The following FHIT variants were observed in gnomAD, a reference collection of about 807,000 sequenced individuals.
FHIT encodes bis(5'-adenosyl)-triphosphatase.
In FHIT, 19 loss-of-function variants were observed where a neutral mutation model predicts 17.9. That is an observed-to-expected ratio of 1.06 (90% CI 0.74 to 1.56). The LOEUF (loss-of-function observed/expected upper bound fraction) is 1.56, where lower values mean the gene tolerates loss of function less well. Ranked by LOEUF, FHIT falls within the 40% of genes most tolerant of loss-of-function variation. The probability of loss-of-function intolerance (pLI) is 0.00; values close to 1 mark genes in which losing one functional copy is unlikely to be tolerated. For synonymous variants in FHIT, 81 were observed against 69.7 expected, an observed-to-expected ratio of 1.16 and a Z score of -0.81; for missense variants, 248 against 189.2, an observed-to-expected ratio of 1.31 and a Z score of -1.82.
At chr3:60,746,373 C>T (rs892258724) in intron 4 of FHIT, among the ~76,000 whole-genome samples, 1 of 152,308 alleles carries the variant, frequency 6.6e-6, no homozygotes, top group Non-Finnish European at 1.5e-5. Context: ...TGGATGAACA[C>T]ATTTATTTTG....
chr3:60,649,918 C>A (rs186869597), intron 4 of FHIT, among the ~76,000 whole-genome samples: 1 of 152,300 alleles, frequency 6.6e-6, no homozygotes, highest in Non-Finnish European at 1.5e-5. Context: ...GCTCTCACTG[C>A]ACAAAGCACC....
chr3:59,956,110 G>A (rs1180111688), intron 7 of FHIT, among the ~76,000 whole-genome samples: 4 of 152,032 alleles, frequency 2.6e-5, no homozygotes, highest in African/African-American at 4.8e-5. Flanking sequence ...TTTCATACTC[G>A]GAACAATCAT....
intron 4 of FHIT, among the ~76,000 whole-genome samples, chr3:60,707,017 T>C (rs2041390334): frequency 6.6e-6 from 1 of 152,230 alleles, no homozygotes; most frequent in Non-Finnish European, 1.5e-5. Flanking sequence ...ATAACAACAC[T>C]GCCTTCTGAT....
At chr3:61,147,576 A>G (rs1297800295) in intron 2 of FHIT, among the ~76,000 whole-genome samples, 1 of 152,036 alleles carries the variant, frequency 6.6e-6, no homozygotes, top group African/African-American at 2.4e-5. Context: ...CAAATTTCCC[A>G]GTATTGAGAC....
intron 5 of FHIT, among the ~76,000 whole-genome samples, chr3:60,134,677 A>G (rs1576176189): frequency 6.6e-6 from 1 of 152,174 alleles, no homozygotes; most frequent in East Asian, 1.9e-4. Context: ...TTGCCAGCCA[A>G]TCCTCCAAGA....
chr3:60,065,447 T>C (rs1702460578), intron 5 of FHIT, among the ~76,000 whole-genome samples: 1 of 152,108 alleles, frequency 6.6e-6, no homozygotes, highest in African/African-American at 2.4e-5. Context: ...ATCATGCACA[T>C]TAAGTACCTA....
intron 3 of FHIT, among the ~76,000 whole-genome samples, chr3:60,845,281 CAAT>C (rs1702886150): frequency 6.6e-6 from 1 of 150,422 alleles, no homozygotes; most frequent in African/African-American, 2.5e-5. Context: ...ATTATGTGAA[CAAT>C]AAGAAAAAAA....
intron 2 of FHIT, among the ~76,000 whole-genome samples, chr3:61,142,852 T>C (rs190224062): frequency 2.0e-4 from 31 of 152,178 alleles, no homozygotes; most frequent in Non-Finnish European, 2.8e-4. Context: ...GTCTGACACA[T>C]AGAAAGAAAG....
chr3:61,110,014 C>T (rs961107686), intron 2 of FHIT, among the ~76,000 whole-genome samples: 3 of 152,156 alleles, frequency 2.0e-5, no homozygotes, highest in African/African-American at 7.2e-5. Flanking sequence ...ACAATAATTC[C>T]CCAACAGTCT....
At chr3:60,160,012 T>G (rs1175087568) in intron 5 of FHIT, among the ~76,000 whole-genome samples, 5 of 152,126 alleles carry the variant, frequency 3.3e-5, no homozygotes, top group Non-Finnish European at 7.4e-5. Context: ...GACTTAAAAC[T>G]AAGATGTCTG....
At chr3:60,195,561 T>TATATTTATATATATA (rs61215575) in intron 5 of FHIT, among the ~76,000 whole-genome samples, 11 of 21,166 alleles carry the variant, frequency 5.2e-4, no homozygotes, top group South Asian at 1.7e-3. Flanking sequence ...ATATATATAT[T>TATATTTATATATATA]TATATTTATA....
At chr3:60,973,472 T>C (rs1710111099) in intron 3 of FHIT, among the ~76,000 whole-genome samples, 1 of 152,178 alleles carries the variant, frequency 6.6e-6, no homozygotes, top group African/African-American at 2.4e-5. Flanking sequence ...TTCCATGCAG[T>C]ATGTTGAACT....
chr3:59,789,333 T>A (rs1474949878), intron 8 of FHIT, among the ~76,000 whole-genome samples: 1 of 152,208 alleles, frequency 6.6e-6, no homozygotes, highest in East Asian at 1.9e-4. Flanking sequence ...GTGCTTTGAA[T>A]TTATTTGTTA....
chr3:60,936,075 C>T (rs1169508424), intron 3 of FHIT, among the ~76,000 whole-genome samples: 1 of 152,162 alleles, frequency 6.6e-6, no homozygotes, highest in Non-Finnish European at 1.5e-5. Context: ...GAAAGTCAGT[C>T]AATCACTCAC....
intron 5 of FHIT, among the ~76,000 whole-genome samples, chr3:60,273,112 A>G (rs1257097883): frequency 6.6e-6 from 1 of 152,208 alleles, no homozygotes; most frequent in Non-Finnish European, 1.5e-5. Flanking sequence ...GAGAACATCT[A>G]TGGTGAGAAA....
intron 4 of FHIT, among the ~76,000 whole-genome samples, chr3:60,700,828 G>A (rs1553701927): frequency 6.6e-6 from 1 of 152,118 alleles, no homozygotes; most frequent in African/African-American, 2.4e-5. Flanking sequence ...GTAAAGTTGA[G>A]CAGAGTTGCA....
rs564471929 is a variant in FHIT at position 61,208,936 on chromosome 3, T to A, written c.-212-8271A>T. Among the ~76,000 whole-genome samples the A allele has an allele frequency of 3.9e-5, 6 of 152,002 alleles. No individual in the cohort carries two copies. In the South Asian group the frequency reaches 6.2e-4, roughly 16 times the overall value. Reference sequence around the variant, plus strand: ...TTGATGGTCTTTAAAATTTGGCATGTTTTTGCAGTGGCTGGTACTGGTTGT... The same window carrying A: ...TTGATGGTCTTTAAAATTTGGCATGATTTTGCAGTGGCTGGTACTGGTTGT... On this transcript the variant is annotated intron_variant, in intron 1 of 9. Transcript: ENST00000492590.
intron 3 of FHIT, among the ~76,000 whole-genome samples, chr3:60,958,886 G>A (rs924048467): frequency 2.6e-5 from 4 of 152,048 alleles, no homozygotes; most frequent in Admixed American, 6.6e-5. Context: ...AATTATAATC[G>A]GAATTATTTA....
intron 5 of FHIT, among the ~76,000 whole-genome samples, chr3:60,273,190 TGGG>T (rs1180262809): frequency 6.6e-6 from 1 of 152,192 alleles, no homozygotes; most frequent in African/African-American, 2.4e-5. Context: ...TTTAGAGATT[TGGG>T]GAATTCTCTA....
Sources: gnomAD v4.1 joint callset for allele counts (sites outside exome capture counted in the v4.1 genomes callset) on GRCh38, gnomAD v4.1.1 for gene constraint, MANE v1.5 for transcripts, NCBI Gene and HGNC (gene_info 2026-07-23, HGNC 2026-07-21) for gene names.